The following ABHD16A variants were observed in gnomAD, a reference collection of about 807,000 sequenced individuals.
ABHD16A encodes abhydrolase domain containing 16A, phospholipase.
In ABHD16A, 47 loss-of-function variants were observed where a neutral mutation model predicts 89.8. The observed-to-expected ratio is 0.52, with a 90% CI of 0.41 to 0.67. The LOEUF (loss-of-function observed/expected upper bound fraction) is 0.67, where lower values mean the gene tolerates loss of function less well. Among genes scored for constraint, ABHD16A ranks in the 30% least tolerant of loss-of-function variants. ABHD16A has a pLI of 0.00. For missense variants in ABHD16A, 580 were observed against 734.6 expected (o/e 0.79, Z 2.43); for synonymous variants, 251 against 280.4 (o/e 0.90, Z 1.05).
At chr6:31,695,875 A>G (rs1306979550) in intron 5 of ABHD16A, among the ~76,000 whole-genome samples, 2 of 152,000 alleles carry the variant, frequency 1.3e-5, no homozygotes, top group African/African-American at 4.8e-5. Context: ...TGCTAAAAAT[A>G]CAAAAATTGG....
rs148605141 is a variant in ABHD16A, at chr6:31,691,906, C to T, written c.639G>A (p.Ala213=). 1.9e-3 allele frequency: 3,089 copies of T among 1,606,888 alleles called. 5 individuals carry two copies. The highest frequency in any genetic ancestry group is 2.5e-3 in the Non-Finnish European group (2,901 of 1,177,668). The change falls in exon 8 of 20, where the codon GCG becomes GCA. Residue 213 remains alanine (A), a synonymous_variant. Transcript: ENST00000395952. ...ACAGCATCCGGCGCCCTAGGGTGTG[C>T]GCCACCAGGTAGCTGTGGGGAACAC... The part of the protein sequence containing the change: ...LPCQITSYLV[A]HTLGRRMLYP...
intron 1 of ABHD16A, 68 bp downstream of exon 1, chr6:31,703,082 T>A: frequency 7.3e-7 from 1 of 1,372,700 alleles, no homozygotes; most frequent in Non-Finnish European, 9.5e-7. Flanking sequence ...TGGGCACTTC[T>A]GGGGAGCAAA....
In ABHD16A at chr6:31,690,356, G is replaced by A; in HGVS notation, c.907+183C>T. 1.4e-6 allele frequency: 1 copy of A among 708,184 alleles called. No individual in the cohort carries two copies. Among genetic ancestry groups the A allele is most frequent in the Non-Finnish European group, 2.4e-6 (1 of 413,812 alleles). 43.9% of individuals were successfully genotyped at this position (708,184 alleles called of 1,614,324 possible). ...CAGAATGAAAAGCATAATAGCTAGG[G>A]ACACAGGCCAGGGGAGGGATGTAAG... On this transcript the variant is annotated intron_variant, in intron 10 of 19. Coordinates refer to ENST00000395952, the MANE Select transcript of ABHD16A (RefSeq NM_021160.3). The surrounding 1 kb of genome is among the most constrained non-coding windows in gnomAD (Gnocchi z 4.1).
chr6:31,697,830 G>A (rs764383378), intron 4 of ABHD16A, among the ~76,000 whole-genome samples: 11 of 152,148 alleles, frequency 7.2e-5, no homozygotes, highest in Non-Finnish European at 1.0e-4. Context: ...GACAGGCACC[G>A]TACTACACAC....
At position 31,698,509 on chromosome 6, in the gene ABHD16A, C is replaced by CAG. The variant is rs9281557; in HGVS notation, c.344-1478_344-1477dup. On this transcript the variant is annotated intron_variant, in intron 4 of 19. Transcript: ENST00000395952. The surrounding 1 kb of genome is among the most constrained non-coding windows in gnomAD (Gnocchi z 4.1). Reference sequence around the variant, plus strand: ...TTTTTCTTTTTTCTTTTTTTTGAGACAGTTTTGCTCTTGTTGCCCAGGCGG... The same window carrying CAG: ...TTTTTCTTTTTTCTTTTTTTTGAGACAGAGTTTTGCTCTTGTTGCCCAGGCGG... 0.89 allele frequency among the ~76,000 whole-genome samples: 135,570 copies of CAG among 151,498 alleles called. 60,783 individuals carry two copies. The highest frequency in any genetic ancestry group is 0.99 in the East Asian group (5,129 of 5,178).
Position 31,693,050 on chromosome 6 carries a change from C to T in ABHD16A, c.603G>A (p.Lys201=). ...GTADTLLNRV[K]KLPCQITSYL... ...ACCTGGTGATCTGACAAGGCAGCTT[C>T]TTAACCCGGTTGAGGAGGGTGTCTG... Residue 201 remains lysine, a synonymous_variant, in exon 7 of 20, where the codon AAG becomes AAA. Coordinates refer to ENST00000395952, the MANE Select transcript of ABHD16A (RefSeq NM_021160.3). This position sits in a 1 kb window ranked among gnomAD's most constrained non-coding sequence, Gnocchi z 5.0. The T allele has an allele frequency of 1.9e-6, 3 of 1,614,206 alleles. No homozygotes were observed. Among genetic ancestry groups the T allele is most frequent in the Non-Finnish European group, 2.5e-6 (3 of 1,180,042 alleles).
In ABHD16A at chr6:31,693,077, T is replaced by C. The variant is rs979688207; in HGVS notation, c.576A>G (p.Thr192=). 2.5e-6 allele frequency: 4 copies of C among 1,614,026 alleles called. No individual in the cohort carries two copies. The African/African-American group carries it at 5.3e-5, about 22-fold the overall frequency. The change falls in exon 7 of 20, where the codon ACA becomes ACG. Residue 192 remains threonine, a synonymous_variant. Coordinates refer to ENST00000395952, the MANE Select transcript of ABHD16A (RefSeq NM_021160.3). The surrounding 1 kb of genome is among the most constrained non-coding windows in gnomAD (Gnocchi z 5.0). ...TAACCCGGTTGAGGAGGGTGTCTGC[T>C]GTCCCCCGGTGCAGGGGCTCTGGGC... ...LLRPEPLHRG[T]ADTLLNRVKK...
chr6:31,702,614 C>G (rs1226625928), intron 1 of ABHD16A: 1 of 1,484,304 alleles, frequency 6.7e-7, no homozygotes, highest in Non-Finnish European at 8.9e-7. Flanking sequence ...CAGCCTACCA[C>G]CACCCGCCAG....
chr6:31,693,012 G>A lies in ABHD16A; in HGVS notation c.626+15C>T, dbSNP rs371194726. 101 of 1,614,080 alleles carry A rather than the reference G, an allele frequency of 6.3e-5. No individual in the cohort carries two copies. The highest frequency in any genetic ancestry group is 1.8e-4 in the Admixed American group (11 of 60,000). The stretch of plus-strand genomic sequence containing the variant: ...CCTCCACCCCAGTGGGCCTCTCCTC[G>A]CTGCTGTTTCCCACCTGGTGATCTG... On this transcript the variant is annotated intron_variant, in intron 7 of 19. Transcript: ENST00000395952. The surrounding 1 kb of genome is among the most constrained non-coding windows in gnomAD (Gnocchi z 5.0).
rs1803380160 is a variant in ABHD16A, at chr6:31,687,242, G to C, written c.1647C>G (p.Ala549=). 6.2e-7 allele frequency: 1 copy of C among 1,612,930 alleles called. No individual in the cohort carries two copies. The highest frequency in any genetic ancestry group is 8.5e-7 in the Non-Finnish European group (1 of 1,179,962). ...FEATHCTPLP[A]QNFQMPWHL Reference sequence around the variant, plus strand: ...GGTGCCAGGGCATCTGGAAGTTCTGGGCTGGGAGTGGGGTGCAGTGAGTGG... The same window carrying C: ...GGTGCCAGGGCATCTGGAAGTTCTGCGCTGGGAGTGGGGTGCAGTGAGTGG... The change falls in exon 20 of 20, where the codon GCC becomes GCG. Residue 549 remains alanine, a synonymous_variant. Transcript: ENST00000395952. This position sits in a 1 kb window ranked among gnomAD's most constrained non-coding sequence, Gnocchi z 6.3.
chr6:31,687,489 T>G lies in ABHD16A; in HGVS notation c.1593+9A>C. The stretch of plus-strand genomic sequence containing the variant: ...AAGAACCCTTCCCACTTCCCACTCC[T>G]TAGCTCACCAGAAACAAAGCCAGCT... On this transcript the variant is annotated intron_variant, in intron 19 of 19. Coordinates refer to ENST00000395952, the MANE Select transcript of ABHD16A (RefSeq NM_021160.3). This position sits in a 1 kb window ranked among gnomAD's most constrained non-coding sequence, Gnocchi z 6.3. 2 of 1,613,060 alleles carry G rather than the reference T, an allele frequency of 1.2e-6. No homozygotes were observed. Among genetic ancestry groups the G allele is most frequent in the South Asian group, 2.2e-5 (2 of 91,078 alleles).
rs760870939 is a variant in ABHD16A at position 31,688,824 on chromosome 6, A to T, written c.1187-38T>A. 5.6e-6 allele frequency: 9 copies of T among 1,600,166 alleles called. No individual in the cohort carries two copies. Among genetic ancestry groups the T allele is most frequent in the Non-Finnish European group, 7.7e-6 (9 of 1,170,074 alleles). ...AAAGGTGAAGGGATGGCAGAGACAA[A>T]GCCCTTGCCCAACATAAAGGTCCTC... On this transcript the variant is annotated intron_variant, in intron 13 of 19. Coordinates refer to ENST00000395952, the MANE Select transcript of ABHD16A (RefSeq NM_021160.3). The surrounding 1 kb of genome is among the most constrained non-coding windows in gnomAD (Gnocchi z 4.9).
chr6:31,694,408 T>TTTTTTTTG (rs9279388), intron 5 of ABHD16A, among the ~76,000 whole-genome samples: 1 of 120,218 alleles, frequency 8.3e-6, no homozygotes, highest in African/African-American at 2.9e-5. Context: ...TTTTTTTTTT[T>TTTTTTTTG]GAGATGGAGT....
chr6:31,697,517 T>C (rs1285248498), intron 4 of ABHD16A, among the ~76,000 whole-genome samples: 2 of 152,204 alleles, frequency 1.3e-5, no homozygotes, highest in Non-Finnish European at 2.9e-5. Context: ...ACTTCCTCAC[T>C]GAATTCCTGA....
chr6:31,687,420 C>A lies in ABHD16A; in HGVS notation c.1593+78G>T, dbSNP rs889611400. 19 of 1,610,624 alleles carry A rather than the reference C, an allele frequency of 1.2e-5. No individual in the cohort carries two copies. Among genetic ancestry groups the A allele is most frequent in the Non-Finnish European group, 1.4e-5 (16 of 1,177,944 alleles). On this transcript the variant is annotated intron_variant, in intron 19 of 19. Coordinates refer to ENST00000395952, the MANE Select transcript of ABHD16A (RefSeq NM_021160.3). This position sits in a 1 kb window ranked among gnomAD's most constrained non-coding sequence, Gnocchi z 6.3. ...TCTACAAAAGCTGCCACTTCCAATG[C>A]TTATAGGGTATCCCCAGTCCCCCTA...
chr6:31,689,693 G>A lies in ABHD16A; in HGVS notation c.969C>T (p.Phe323=). 1 of 1,610,912 alleles carries A rather than the reference G, an allele frequency of 6.2e-7. No individual in the cohort carries two copies. Among genetic ancestry groups the A allele is most frequent in the Non-Finnish European group, 8.5e-7 (1 of 1,179,046 alleles). ...PGFAGSTGVP[F]PQNEANAMDV... is the part of the protein sequence containing the mutation. Reference sequence around the variant, plus strand: ...CCATGGCATTAGCCTCATTCTGCGGGAATGGCACCCCCTGCAGGAGAAAGG... The same window carrying A: ...CCATGGCATTAGCCTCATTCTGCGGAAATGGCACCCCCTGCAGGAGAAAGG... Residue 323 remains phenylalanine, a synonymous_variant, in exon 12 of 20, where the codon TTC becomes TTT. Transcript: ENST00000395952.
Position 31,691,827 on chromosome 6 carries a change from C to T in ABHD16A, c.718G>A (p.Gly240Ser), listed in dbSNP as rs2151232069. 1 of 1,610,662 alleles carries T rather than the reference C, an allele frequency of 6.2e-7. No homozygotes were observed. Among genetic ancestry groups the T allele is most frequent in the Non-Finnish European group, 8.5e-7 (1 of 1,179,052 alleles). Residue 240 changes from glycine to serine, a missense_variant, in exon 8 of 20, where the codon GGC becomes AGC. Transcript: ENST00000395952. ...ACCTCTTCCACCAGTCGGGCCTGGCCCTGCAGCAGCACAGGCATGAGGGCC... is the reference window on the plus strand; with the variant it reads ...ACCTCTTCCACCAGTCGGGCCTGGCTCTGCAGCAGCACAGGCATGAGGGCC... ...QKALMPVLLQ[G>S]QARLVEECNG...
At position 31,691,929 on chromosome 6, in the gene ABHD16A, C is replaced by T. The variant is rs770397100; in HGVS notation, c.627-11G>A. ...TGCGCCACCAGGTAGCTGTGGGGAA[C>T]ACAGGTTAACAAACCCCAACCCTGT... On this transcript the variant is annotated splice_polypyrimidine_tract_variant and intron_variant, in intron 7 of 19. Transcript: ENST00000395952. The T allele has an allele frequency of 2.5e-6, 4 of 1,590,190 alleles. No individual in the cohort carries two copies. In the Admixed American group the frequency reaches 5.2e-5, roughly 21 times the overall value.
intron 5 of ABHD16A, among the ~76,000 whole-genome samples, chr6:31,696,399 G>A (rs994732201): frequency 7.9e-5 from 12 of 151,702 alleles, no homozygotes; most frequent in African/African-American, 2.9e-4. Context: ...TTGGGAGGCT[G>A]GGGCAGGCAG....
Sources: allele counts gnomAD v4.1 joint callset (sites outside exome capture counted in the v4.1 genomes callset), GRCh38; gene constraint gnomAD v4.1.1; non-coding constraint Gnocchi (gnomAD v3.1); transcripts MANE v1.5; gene names NCBI Gene and HGNC (gene_info 2026-07-23, HGNC 2026-07-21).